ERAP1: variants seen among roughly 807,000 people sequenced by gnomAD.
ERAP1 encodes the protein endoplasmic reticulum aminopeptidase 1.
ERAP1 carries 86 observed loss-of-function variants against 103.7 expected under a neutral mutation model. The ratio of observed to expected loss-of-function variants is 0.83; its 90% CI spans 0.70 to 0.99. ERAP1 has a LOEUF of 0.99. Among genes scored for constraint, ERAP1 ranks in the 50% least tolerant of loss-of-function variants. The pLI is 0.00. For missense variants in ERAP1, 1,009 were observed against 1,128.4 expected (o/e 0.89, Z 1.52); for synonymous variants, 398 against 402.4 (o/e 0.99, Z 0.13).
chr5:96,802,342 T>TA (rs1259266139), intron 2 of ERAP1, among the ~76,000 whole-genome samples: 6 of 152,010 alleles, frequency 3.9e-5, no homozygotes, highest in African/African-American at 1.4e-4. Context: ...CATATTAAGT[T>TA]AAAAAATTTC....
chr5:96,762,127 C>A, exon 20 of ERAP1: 2 of 454,760 alleles, frequency 4.4e-6, no homozygotes, highest in Admixed American at 3.9e-5. Flanking sequence ...ATTTAAATTT[C>A]TTTTAAAATT....
intron 19 of ERAP1, among the ~76,000 whole-genome samples, chr5:96,764,739 GA>G (rs1235844676): frequency 4.6e-5 from 7 of 152,168 alleles, no homozygotes; most frequent in African/African-American, 1.7e-4. Context: ...CAGAACCAAA[GA>G]AACACTTACC....
chr5:96,899,227 T>C, the ERAP1 span, among the ~76,000 whole-genome samples: 4 of 96,436 alleles, frequency 4.1e-5, no homozygotes, highest in Non-Finnish European at 8.5e-5. Flanking sequence ...TACTTAAAAT[T>C]TGTCTTCTAA....
the ERAP1 span, among the ~76,000 whole-genome samples, chr5:96,838,606 C>G: frequency 5.9e-5 from 9 of 152,290 alleles, no homozygotes; most frequent in African/African-American, 2.2e-4. Context: ...CCAAAGTCCA[C>G]TTGAATTCTT....
the ERAP1 span, among the ~76,000 whole-genome samples, chr5:96,908,476 G>C: frequency 1.3e-5 from 2 of 152,106 alleles, no homozygotes; most frequent in Non-Finnish European, 2.9e-5. Context: ...ATAGGATTAA[G>C]GACAAACATC....
At position 96,788,689 on chromosome 5, in the gene ERAP1, G is replaced by T. The variant is rs755295272; in HGVS notation, c.1525-4C>A. 5.6e-6 allele frequency: 9 copies of T among 1,613,552 alleles called. No individual in the cohort carries two copies. In the Admixed American group the frequency reaches 8.3e-5, roughly 15 times the overall value. Reference sequence around the variant, plus strand: ...CCACCCCTTCCTGATGCCAATGCTGGTGTGTACACAAAAAGGCAGACACAT... The same window carrying T: ...CCACCCCTTCCTGATGCCAATGCTGTTGTGTACACAAAAAGGCAGACACAT... On this transcript the variant is annotated splice_polypyrimidine_tract_variant and splice_region_variant and intron_variant, in intron 10 of 18. Transcript: ENST00000443439.
the ERAP1 span, among the ~76,000 whole-genome samples, chr5:96,819,087 G>A: frequency 5.9e-4 from 90 of 151,972 alleles, no homozygotes; most frequent in African/African-American, 1.8e-3. Flanking sequence ...CACCACGCCC[G>A]GTTAATTTTT....
chr5:96,775,893 C>A lies in ERAP1; in HGVS notation c.*503G>T. On this transcript the variant is annotated 3_prime_UTR_variant, in exon 19 of 19. Transcript: ENST00000443439. ...AGAAAGCTTGATGACTTGGCCTTTA[C>A]AAGTCAGCCCCTGGGCATGGAGCAA... 1 of 937,370 alleles carries A rather than the reference C, an allele frequency of 1.1e-6. No homozygotes were observed. The highest frequency in any genetic ancestry group is 1.3e-6 in the Non-Finnish European group (1 of 782,452). The allele number at this position is 937,370 out of a possible 1,614,324, so 58.1% of individuals were successfully genotyped here. A position where few individuals can be genotyped will look rare whatever the true frequency, so the allele number is the denominator to read the frequency against.
chr5:96,912,117 G>T, the ERAP1 span, among the ~76,000 whole-genome samples: 2 of 149,950 alleles, frequency 1.3e-5, no homozygotes, highest in Non-Finnish European at 3.0e-5. Context: ...GTGAACCCCG[G>T]GGGGCGGAGC....
At chr5:96,796,090 C>T (rs76086084) in intron 4 of ERAP1, among the ~76,000 whole-genome samples, 7,205 of 152,144 alleles carry the variant, frequency 0.047, 282 homozygotes, top group East Asian at 0.17. Context: ...TCCCTTCATC[C>T]GAGTCTCAAG....
chr5:96,874,180 A>AAGAAAGAAGGAAAGAGAG, the ERAP1 span, among the ~76,000 whole-genome samples: 1 of 82,250 alleles, frequency 1.2e-5, no homozygotes, highest in African/African-American at 5.7e-5. Flanking sequence ...GAAAGAAAGA[A>AAGAAAGAAGGAAAGAGAG]AGAGAGAGAG....
In ERAP1 at chr5:96,763,177, T is replaced by C. The variant is rs547418883; in HGVS notation, c.*23A>G. The C allele has an allele frequency of 6.8e-4, 529 of 780,708 alleles. 8 individuals are homozygous for C. In the South Asian group the frequency reaches 6.9e-3, roughly 10 times the overall value. The allele number at this position is 780,708 out of a possible 1,614,324, so 48.4% of individuals were successfully genotyped here. Reference sequence around the variant, plus strand: ...TAGCATCAAAGCATATTTAGTGCTGTAGTCTGAGATTCTGATGGATTTTCA... The same window carrying C: ...TAGCATCAAAGCATATTTAGTGCTGCAGTCTGAGATTCTGATGGATTTTCA... On this transcript the variant is annotated 3_prime_UTR_variant, in exon 20 of 20. Coordinates refer to the ERAP1 transcript ENST00000296754.
chr5:96,916,269 G>T, the ERAP1 span, among the ~76,000 whole-genome samples: 1 of 150,874 alleles, frequency 6.6e-6, no homozygotes, highest in Non-Finnish European at 1.5e-5. Flanking sequence ...GCAAAAAAAA[G>T]CCCCTGACTC....
At chr5:96,893,256 A>G in the ERAP1 span, among the ~76,000 whole-genome samples, 2 of 152,186 alleles carry the variant, frequency 1.3e-5, no homozygotes, top group Non-Finnish European at 2.9e-5. Context: ...GTAAATTATT[A>G]AAGTCACCAA....
intron 18 of ERAP1, chr5:96,776,835 T>C: frequency 2.4e-6 from 1 of 408,796 alleles, no homozygotes; most frequent in Non-Finnish European, 4.4e-6. Context: ...TAATTGTGTC[T>C]ATTTAATGTG....
intron 10 of ERAP1, among the ~76,000 whole-genome samples, chr5:96,789,355 C>T (rs1449242617): frequency 3.3e-5 from 5 of 151,968 alleles, no homozygotes; most frequent in African/African-American, 9.7e-5. Context: ...GGTGTAGTGG[C>T]GTGTGCCTGT....
chr5:96,874,391 T>C, the ERAP1 span, among the ~76,000 whole-genome samples: 1 of 152,200 alleles, frequency 6.6e-6, no homozygotes. Flanking sequence ...CTCGCCCACA[T>C]ACCCACAGCT....
At chr5:96,766,089 G>A (rs1278576545) in intron 19 of ERAP1, 2 of 1,611,246 alleles carry the variant, frequency 1.2e-6, no homozygotes. Flanking sequence ...CAAGCTTGGA[G>A]AAAGAGATGA....
chr5:96,901,588 T>C, the ERAP1 span: 1 of 1,614,098 alleles, frequency 6.2e-7, no homozygotes, highest in Non-Finnish European at 8.5e-7. Flanking sequence ...CTGCTGGTGG[T>C]TAAACAAGAC....
Sources: gnomAD v4.1 joint callset for allele counts (sites outside exome capture counted in the v4.1 genomes callset) on GRCh38, gnomAD v4.1.1 for gene constraint, MANE v1.5 for transcripts, NCBI Gene and HGNC (gene_info 2026-07-23, HGNC 2026-07-21) for gene names.